The following SNTG2 variants were observed in gnomAD, a reference collection of about 807,000 sequenced individuals.
SNTG2 encodes the protein syntrophin gamma 2, also known as gamma-2-syntrophin.
SNTG2 carries 74 observed loss-of-function variants against 70.9 expected under a neutral mutation model. The observed-to-expected ratio is 1.04, with a 90% CI of 0.86 to 1.27. The LOEUF (loss-of-function observed/expected upper bound fraction) is 1.27. SNTG2 is among the 50% of genes most tolerant of loss of function. The probability of loss-of-function intolerance (pLI) is 0.00; values close to 1 mark genes in which losing one functional copy is unlikely to be tolerated. For missense variants in SNTG2, 717 were observed against 690.7 expected, an observed-to-expected ratio of 1.04 and a Z score of -0.43; for synonymous variants, 278 against 273.8, an observed-to-expected ratio of 1.02 and a Z score of -0.15.
At chr2:965,618 T>G (rs1005520228) in intron 1 of SNTG2, among the ~76,000 whole-genome samples, 48 of 151,756 alleles carry the variant, frequency 3.2e-4, no homozygotes, top group African/African-American at 1.1e-3. Context: ...CTGGTCCTCC[T>G]CGTCCTTTGG....
At chr2:1,185,206 A>T (rs1672171185) in intron 8 of SNTG2, among the ~76,000 whole-genome samples, 1 of 152,194 alleles carries the variant, frequency 6.6e-6, no homozygotes, top group Non-Finnish European at 1.5e-5. Flanking sequence ...TGGGCTCTTA[A>T]GGCCTTGGGC....
chr2:1,306,893 T>C (rs573624676), intron 14 of SNTG2, among the ~76,000 whole-genome samples: 1 of 152,258 alleles, frequency 6.6e-6, no homozygotes, highest in South Asian at 2.1e-4. Context: ...CTGTGCGCTG[T>C]GTGCCCCGCA....
chr2:1,203,648 T>G (rs1673420713), intron 8 of SNTG2, among the ~76,000 whole-genome samples: 1 of 148,048 alleles, frequency 6.8e-6, no homozygotes. Flanking sequence ...AGTGAGACCT[T>G]GTCTCAAAAA....
intron 6 of SNTG2, among the ~76,000 whole-genome samples, chr2:1,145,052 G>A (rs1257379541): frequency 6.6e-6 from 1 of 152,176 alleles, no homozygotes; most frequent in Non-Finnish European, 1.5e-5. Context: ...ATCAAAATTT[G>A]TGGGATGCAG....
chr2:1,214,980 A>G (rs79524628), intron 9 of SNTG2, among the ~76,000 whole-genome samples: 5,986 of 152,202 alleles, frequency 0.039, 252 homozygotes, highest in East Asian at 0.22. Flanking sequence ...TTCTGCATCT[A>G]TTGCTACAAT....
rs56246912 is a variant in SNTG2, at chr2:1,005,806, AATATATATATATATATATAT to A, written c.72+54788_72+54807del. Among the ~76,000 whole-genome samples, 111 of 31,204 alleles carry A rather than the reference AATATATATATATATATATAT, an allele frequency of 3.6e-3. 2 individuals carry two copies. The highest frequency in any genetic ancestry group is 5.3e-3 in the African/African-American group (42 of 7,942). 20.5% of individuals were successfully genotyped at this position (31,204 alleles called of 152,430 possible). A position where few individuals can be genotyped will look rare whatever the true frequency, so the allele number is the denominator to read the frequency against. ...GCGACAGAGCAAGACTCTGCCTCAA[AATATATATATATATATATAT>A]ATATATATATATATATATATATATA... On this transcript the variant is annotated intron_variant, in intron 1 of 16. Transcript: ENST00000308624.
At chr2:1,346,900 G>A (rs1303595772) in intron 16 of SNTG2, among the ~76,000 whole-genome samples, 3 of 152,144 alleles carry the variant, frequency 2.0e-5, no homozygotes, top group Admixed American at 1.3e-4. Context: ...CTAAAGACTT[G>A]AGGTCAGTGG....
At chr2:1,064,847 G>T (rs1663049813) in intron 1 of SNTG2, among the ~76,000 whole-genome samples, 1 of 152,134 alleles carries the variant, frequency 6.6e-6, no homozygotes, top group South Asian at 2.1e-4. Flanking sequence ...ACAGGTTAAA[G>T]GAACAAGGAC....
At chr2:1,017,548 GACACAC>G (rs35969039) in intron 1 of SNTG2, among the ~76,000 whole-genome samples, 1 of 151,732 alleles carries the variant, frequency 6.6e-6, no homozygotes, top group Non-Finnish European at 1.5e-5. Flanking sequence ...CACAGGCAGG[GACACAC>G]ACACACATAC....
chr2:1,134,192 A>G, intron 4 of SNTG2, among the ~76,000 whole-genome samples: 1 of 152,134 alleles, frequency 6.6e-6, no homozygotes, highest in East Asian at 1.9e-4. Flanking sequence ...CCAAAGAGTG[A>G]GCAGCAGCAA....
intron 1 of SNTG2, among the ~76,000 whole-genome samples, chr2:1,021,499 C>A (rs1031624965): frequency 3.9e-5 from 6 of 152,056 alleles, no homozygotes; most frequent in African/African-American, 1.4e-4. Flanking sequence ...TTTCTGGACA[C>A]ATCAAGCAAA....
intron 4 of SNTG2, among the ~76,000 whole-genome samples, chr2:1,116,548 GTGTGGGTGCTCTGGTA>G (rs1666983693): frequency 6.6e-6 from 1 of 150,584 alleles, no homozygotes; most frequent in South Asian, 2.1e-4. Flanking sequence ...GTGCCCTGGT[GTGTGGGTGCTCTGGTA>G]TGTGGGTGCC....
intron 1 of SNTG2, among the ~76,000 whole-genome samples, chr2:1,037,927 C>T (rs1299416017): frequency 6.6e-6 from 1 of 152,100 alleles, no homozygotes; most frequent in East Asian, 1.9e-4. Context: ...TTGGTGTGGA[C>T]CTGAGTTTCT....
intron 6 of SNTG2, among the ~76,000 whole-genome samples, chr2:1,158,875 T>C (rs1046172643): frequency 1.3e-5 from 2 of 152,158 alleles, no homozygotes; most frequent in African/African-American, 4.8e-5. Context: ...GAATGGTAGT[T>C]GGGTGCTTGA....
chr2:991,407 A>ACACACACAC (rs1553305482), intron 1 of SNTG2, among the ~76,000 whole-genome samples: 9 of 151,108 alleles, frequency 6.0e-5, no homozygotes, highest in Non-Finnish European at 1.2e-4. Flanking sequence ...ACACACACAC[A>ACACACACAC]ATTATGACTT....
chr2:1,003,522 CATT>C (rs1448594998), intron 1 of SNTG2, among the ~76,000 whole-genome samples: 1 of 152,184 alleles, frequency 6.6e-6, no homozygotes, highest in African/African-American at 2.4e-5. Context: ...TTACATATGA[CATT>C]ATGATTTCTA....
At chr2:1,224,065 C>T (rs1297113115) in intron 9 of SNTG2, among the ~76,000 whole-genome samples, 2 of 152,184 alleles carry the variant, frequency 1.3e-5, no homozygotes, top group Non-Finnish European at 2.9e-5. Context: ...CTCTGTGTCT[C>T]CCTGTGGAGG....
At chr2:1,201,497 G>C (rs1673273880) in intron 8 of SNTG2, among the ~76,000 whole-genome samples, 1 of 151,810 alleles carries the variant, frequency 6.6e-6, no homozygotes, top group Non-Finnish European at 1.5e-5. Flanking sequence ...AATACATTAT[G>C]TTGGGGACAT....
At chr2:1,071,772 C>G (rs188696548) in intron 1 of SNTG2, among the ~76,000 whole-genome samples, 81 of 152,186 alleles carry the variant, frequency 5.3e-4, no homozygotes, top group Middle Eastern at 3.4e-3. Flanking sequence ...AAGGACAATT[C>G]TTGACAGAAA....
Sources: allele counts gnomAD v4.1 joint callset (sites outside exome capture counted in the v4.1 genomes callset), GRCh38; gene constraint gnomAD v4.1.1; transcripts MANE v1.5; gene names NCBI Gene and HGNC (gene_info 2026-07-23, HGNC 2026-07-21).